The following SETD2 variants were observed in gnomAD, a reference collection of about 807,000 sequenced individuals.
SETD2 encodes the protein histone-lysine N-methyltransferase SETD2.
SETD2 carries 31 observed loss-of-function variants against 242.1 expected under a neutral mutation model. The observed-to-expected ratio is 0.13, with a 90% CI of 0.10 to 0.17. SETD2 has a LOEUF of 0.17. SETD2 is among the 10% of genes least tolerant of loss of function. The pLI is 1.00. For synonymous variants in SETD2, 1,006 were observed against 1,066.5 expected (o/e 0.94, Z 1.11); for missense variants, 2,481 against 3,046.3 (o/e 0.81, Z 4.37).
Position 47,120,997 on chromosome 3 carries a change from T to C in SETD2, c.3639A>G (p.Pro1213=), listed in dbSNP as rs1449674315. ...AAGTGGTCTGTTGCCAAGACTTATT[T>C]GGGACATCTTCAAAATCAGAAGAAT... The part of the protein sequence containing the change: ...PIYSSDFEDV[P]NKSWQQTTFQ... Residue 1213 remains proline (P), a synonymous_variant, in exon 3 of 21, where the codon CCA becomes CCG. Transcript: ENST00000409792. The C allele has an allele frequency of 1.3e-5, 21 of 1,614,228 alleles. No individual in the cohort carries two copies. Among genetic ancestry groups the C allele is most frequent in the Non-Finnish European group, 1.8e-5 (21 of 1,180,030 alleles).
At chr3:47,032,092 G>A (rs1211706223) in intron 18 of SETD2, among the ~76,000 whole-genome samples, 1 of 152,124 alleles carries the variant, frequency 6.6e-6, no homozygotes, top group Non-Finnish European at 1.5e-5. Context: ...AAATGTGACA[G>A]AGGCATGTAA....
chr3:47,033,160 T>C (rs1222112519), intron 18 of SETD2, among the ~76,000 whole-genome samples: 2 of 152,244 alleles, frequency 1.3e-5, no homozygotes, highest in African/African-American at 2.4e-5. Flanking sequence ...AGTTTTATGA[T>C]GCCTATGTTC....
chr3:47,070,032 T>C (rs2107606966), intron 12 of SETD2, among the ~76,000 whole-genome samples: 1 of 152,268 alleles, frequency 6.6e-6, no homozygotes, highest in Admixed American at 6.5e-5. Flanking sequence ...GTATTGAGGG[T>C]CCCACTAAGA....
intron 12 of SETD2, among the ~76,000 whole-genome samples, chr3:47,081,292 C>T (rs950164985): frequency 1.3e-5 from 2 of 152,102 alleles, no homozygotes; most frequent in Non-Finnish European, 1.5e-5. Context: ...AAAAGCCAAG[C>T]GGAACACATG....
chr3:47,067,607 G>T (rs1183585054), intron 12 of SETD2, among the ~76,000 whole-genome samples: 2 of 151,808 alleles, frequency 1.3e-5, no homozygotes, highest in Admixed American at 1.3e-4. Context: ...TAGAGATGGG[G>T]TTTTATCACA....
intron 13 of SETD2, among the ~76,000 whole-genome samples, chr3:47,065,962 G>A (rs1339790115): frequency 6.6e-6 from 1 of 152,140 alleles, no homozygotes; most frequent in Non-Finnish European, 1.5e-5. Context: ...ACTTGCCTCA[G>A]AAAAGTAAAT....
chr3:47,052,096 G>A (rs1575692540), intron 15 of SETD2, among the ~76,000 whole-genome samples: 6 of 152,192 alleles, frequency 3.9e-5, no homozygotes, highest in Admixed American at 2.6e-4. Context: ...AGATATACAC[G>A]TTTGTTGACA....
chr3:47,078,933 T>C (rs1427207875), intron 12 of SETD2, among the ~76,000 whole-genome samples: 1 of 152,110 alleles, frequency 6.6e-6, no homozygotes, highest in East Asian at 1.9e-4. Flanking sequence ...TTTTGCTTTG[T>C]TGCCCAGGCT....
At chr3:47,035,299 G>A (rs1037167089) in intron 18 of SETD2, among the ~76,000 whole-genome samples, 3 of 152,184 alleles carry the variant, frequency 2.0e-5, no homozygotes, top group African/African-American at 7.2e-5. Context: ...AGCTCATTGT[G>A]AAGGCGCCAG....
At position 47,121,634 on chromosome 3, in the gene SETD2, G is replaced by T; in HGVS notation, c.3002C>A (p.Ser1001Tyr). Residue 1001 changes from serine to tyrosine, a missense_variant, in exon 3 of 21, where the codon TCT (serine) becomes TAT (tyrosine). Physicochemically the swap from Ser to Tyr is moderately radical, Grantham distance 144. This residue lies in a region of SETD2 where 1,300 missense variants were observed against 1,259.2 expected (regional missense o/e 1.03). Coordinates refer to ENST00000409792, the MANE Select transcript of SETD2 (RefSeq NM_014159.7). ...CATGGTTAAATTCAAATCACAAGAAGAAAATACAACTTCTGAGTCATCAGA... is the reference window on the plus strand; with the variant it reads ...CATGGTTAAATTCAAATCACAAGAATAAAATACAACTTCTGAGTCATCAGA... ...HTSDDSEVVF[S>Y]SCDLNLTMED... 1 of 1,614,112 alleles carries T rather than the reference G, an allele frequency of 6.2e-7. No individual in the cohort carries two copies. The highest frequency in any genetic ancestry group is 8.5e-7 in the Non-Finnish European group (1 of 1,180,000).
intron 15 of SETD2, among the ~76,000 whole-genome samples, chr3:47,052,063 C>G (rs760559739): frequency 1.3e-5 from 2 of 152,026 alleles, no homozygotes; most frequent in African/African-American, 2.4e-5. Context: ...TTCTATAAAC[C>G]AGTTTGACTG....
Position 47,120,679 on chromosome 3 carries a change from C to T in SETD2, c.3957G>A (p.Val1319=), listed in dbSNP as rs753613907. 1.2e-6 allele frequency: 2 copies of T among 1,614,150 alleles called. No individual in the cohort carries two copies. The highest frequency in any genetic ancestry group is 1.7e-6 in the Non-Finnish European group (2 of 1,180,036). The part of the protein sequence containing the change: ...RSGRPPGTGV[V]YDRTQGQVPD... Reference sequence around the variant, plus strand: ...GTACTTGTCCTTGAGTTCGATCATACACAACCCCAGTTCCAGGAGGTCTAC... The same window carrying T: ...GTACTTGTCCTTGAGTTCGATCATATACAACCCCAGTTCCAGGAGGTCTAC... The change falls in exon 3 of 21, where the codon GTG becomes GTA. Residue 1319 remains valine, a synonymous_variant. Coordinates refer to ENST00000409792, the MANE Select transcript of SETD2 (RefSeq NM_014159.7).
intron 12 of SETD2, 141 bp from the exon 13 acceptor site, chr3:47,067,259 G>A: frequency 4.5e-6 from 3 of 660,760 alleles, no homozygotes; most frequent in South Asian, 1.9e-5. Context: ...CTTATATCTG[G>A]GCTTTAAATA....
chr3:47,129,969 A>C (rs990999124), intron 1 of SETD2, among the ~76,000 whole-genome samples: 1 of 152,184 alleles, frequency 6.6e-6, no homozygotes, highest in Admixed American at 6.5e-5. Context: ...ACAGGGTAAA[A>C]GACAAAGAAA....
intron 16 of SETD2, among the ~76,000 whole-genome samples, chr3:47,044,561 G>A (rs2039437421): frequency 6.6e-6 from 1 of 151,950 alleles, no homozygotes; most frequent in African/African-American, 2.4e-5. Flanking sequence ...AACTGTAGGT[G>A]TTCTAAAGTG....
intron 15 of SETD2, among the ~76,000 whole-genome samples, chr3:47,049,731 G>A (rs113977826): frequency 2.1e-5 from 3 of 142,654 alleles, no homozygotes; most frequent in Non-Finnish European, 4.5e-5. Flanking sequence ...CTTATTCTGA[G>A]TTTATATTAT....
rs78737981 is a variant in SETD2 at position 47,096,756 on chromosome 3, C to A, written c.5142+1199G>T. ...TGCGAGACGTTGTCTCAAAAAAAAA[C>A]AAAGCCAAACCATTTGAAAATATAT... On this transcript the variant is annotated intron_variant, in intron 9 of 20. Transcript: ENST00000409792. Among the ~76,000 whole-genome samples, 519 of 151,016 alleles carry A rather than the reference C, an allele frequency of 3.4e-3. 5 individuals carry two copies. Among genetic ancestry groups the A allele is most frequent in the East Asian group, 0.016 (85 of 5,160 alleles).
At chr3:47,037,870 A>G in intron 17 of SETD2, 93 bp from the exon 18 acceptor site, 1 of 867,228 alleles carries the variant, frequency 1.2e-6, no homozygotes, top group South Asian at 1.4e-5. Context: ...AAAATACAAC[A>G]TACAATAAGA....
intron 1 of SETD2, among the ~76,000 whole-genome samples, chr3:47,128,973 A>G (rs2043414880): frequency 6.6e-6 from 1 of 152,214 alleles, no homozygotes; most frequent in African/African-American, 2.4e-5. Flanking sequence ...CTAGAAATAC[A>G]AAAGTGACCA....
Sources: gnomAD v4.1 joint callset for allele counts (sites outside exome capture counted in the v4.1 genomes callset) on GRCh38, gnomAD v4.1.1 for gene constraint, gnomAD v4.1.1 regional missense constraint, MANE v1.5 for transcripts, NCBI Gene and HGNC (gene_info 2026-07-23, HGNC 2026-07-21) for gene names.